The following ODAD2 variants were observed in gnomAD, a reference collection of about 807,000 sequenced individuals.
The protein encoded by ODAD2 is outer dynein arm docking complex subunit 2, also known as outer dynein arm-docking complex subunit 2.
In ODAD2, 89 loss-of-function variants were observed where a neutral mutation model predicts 106.8. The ratio of observed to expected loss-of-function variants is 0.83; its 90% confidence interval spans 0.70 to 0.99. The LOEUF (loss-of-function observed/expected upper bound fraction) is 0.99, where lower values mean the gene tolerates loss of function less well. ODAD2 is among the 50% of genes least tolerant of loss of function. ODAD2 has a pLI of 0.00. For missense variants in ODAD2, 1,168 were observed against 1,238.5 expected (o/e 0.94, Z 0.85); for synonymous variants, 404 against 436.2 (o/e 0.93, Z 0.92).
At chr10:27,833,386 A>C (rs1461687697) in intron 19 of ODAD2, among the ~76,000 whole-genome samples, 1 of 152,194 alleles carries the variant, frequency 6.6e-6, no homozygotes, top group African/African-American at 2.4e-5. Context: ...TGAAAAAAAA[A>C]ATCAAGGAGG....
chr10:27,892,859 T>C (rs1370773499), intron 17 of ODAD2, among the ~76,000 whole-genome samples: 4 of 152,190 alleles, frequency 2.6e-5, no homozygotes, highest in Non-Finnish European at 4.4e-5. Flanking sequence ...CAAGAAAAGA[T>C]GTACTACGGC....
chr10:27,926,885 C>T (rs1245849797), intron 16 of ODAD2, among the ~76,000 whole-genome samples: 1 of 152,000 alleles, frequency 6.6e-6, no homozygotes, highest in African/African-American at 2.4e-5. Context: ...CAGATTACCT[C>T]CAGATAAATT....
At chr10:27,925,516 C>A (rs1845193139) in intron 16 of ODAD2, among the ~76,000 whole-genome samples, 1 of 152,138 alleles carries the variant, frequency 6.6e-6, no homozygotes, top group Admixed American at 6.6e-5. Flanking sequence ...CACTACCATG[C>A]TCAACTAATT....
At chr10:27,964,852 C>G (rs1848388945) in intron 9 of ODAD2, among the ~76,000 whole-genome samples, 1 of 152,162 alleles carries the variant, frequency 6.6e-6, no homozygotes, top group Admixed American at 6.6e-5. Context: ...ACTGTCTCCC[C>G]TAGCACAAGG....
chr10:27,920,082 A>G (rs928270023), intron 16 of ODAD2, among the ~76,000 whole-genome samples: 2 of 146,410 alleles, frequency 1.4e-5, no homozygotes, highest in Admixed American at 1.3e-4. Flanking sequence ...GGTCCTAATT[A>G]CCATAAAAGG....
At chr10:27,917,264 A>C (rs1844460210) in intron 16 of ODAD2, among the ~76,000 whole-genome samples, 1 of 152,206 alleles carries the variant, frequency 6.6e-6, no homozygotes, top group African/African-American at 2.4e-5. Flanking sequence ...ATTAAGCAGC[A>C]CTTGTAAATA....
At chr10:27,834,258 G>T in intron 19 of ODAD2, among the ~76,000 whole-genome samples, 1 of 152,150 alleles carries the variant, frequency 6.6e-6, no homozygotes, top group East Asian at 1.9e-4. Context: ...CGTGCATGTG[G>T]TCTAGGGCTG....
At chr10:27,966,087 C>T (rs1848469383) in intron 9 of ODAD2, among the ~76,000 whole-genome samples, 1 of 152,006 alleles carries the variant, frequency 6.6e-6, no homozygotes, top group African/African-American at 2.4e-5. Flanking sequence ...TTGTAAGATT[C>T]CATGATTCTC....
chr10:27,944,820 C>A lies in ODAD2; in HGVS notation c.1529G>T (p.Cys510Phe). The change falls in exon 11 of 20, where the codon TGT (cysteine) becomes TTT (phenylalanine). Residue 510 changes from cysteine (C) to phenylalanine (F), a missense_variant. Transcript: ENST00000305242. ...CAAGGTGACAGAGCCACTCACCTTA[C>A]ATTTGACTTCATCGGTTTCAAGCAA... ...INLLETDEVK[C>F]KIGSLKILKE... is the part of the protein sequence containing the mutation. The A allele has an allele frequency of 1.2e-6, 2 of 1,614,112 alleles. No individual in the cohort carries two copies. The highest frequency in any genetic ancestry group is 8.5e-7 in the Non-Finnish European group (1 of 1,179,978).
intron 16 of ODAD2, among the ~76,000 whole-genome samples, chr10:27,923,262 A>G (rs1002407871): frequency 6.6e-6 from 1 of 152,214 alleles, no homozygotes; most frequent in Non-Finnish European, 1.5e-5. Flanking sequence ...GCAAGGGCAC[A>G]TCTAAAACAA....
At position 27,971,225 on chromosome 10, in the gene ODAD2, T is replaced by C; in HGVS notation, c.1025A>G (p.Asp342Gly). The C allele has an allele frequency of 1.9e-6, 3 of 1,614,012 alleles. No homozygotes were observed. The highest frequency in any genetic ancestry group is 2.2e-5 in the East Asian group (1 of 44,880). ...TGACCTTTTGTCTGAACCAGAAATG[T>C]CTTTGCGGAGGGCAGCTGCTTCTTC... The part of the protein sequence containing the change: ...KKEEAAALRK[D>G]ISGSDKRSLE... Residue 342 changes from aspartate (D) to glycine (G), a missense_variant, in exon 8 of 20, where the codon GAC (aspartate) becomes GGC (glycine). Coordinates refer to ENST00000305242, the MANE Select transcript of ODAD2 (RefSeq NM_018076.5).
At chr10:27,987,586 G>A (rs375842956) in intron 2 of ODAD2, 43 bp from the exon 3 acceptor site, 37 of 1,422,088 alleles carry the variant, frequency 2.6e-5, no homozygotes, top group Non-Finnish European at 3.5e-5. Flanking sequence ...ATGCTACCTA[G>A]AGGTCAGTAG....
intron 17 of ODAD2, among the ~76,000 whole-genome samples, chr10:27,868,691 G>A (rs1158110895): frequency 6.6e-6 from 1 of 152,106 alleles, no homozygotes; most frequent in Non-Finnish European, 1.5e-5. Context: ...GGGCACGGAG[G>A]GAGGGAGAGC....
At chr10:27,880,777 G>A (rs117708970) in intron 17 of ODAD2, among the ~76,000 whole-genome samples, 8,651 of 152,250 alleles carry the variant, frequency 0.057, 318 homozygotes, top group East Asian at 0.13. Flanking sequence ...CTCCAGAATT[G>A]TAAGACATAA....
chr10:27,852,876 G>A (rs979650126), intron 19 of ODAD2, among the ~76,000 whole-genome samples: 7 of 149,930 alleles, frequency 4.7e-5, no homozygotes, highest in South Asian at 2.1e-4. Flanking sequence ...CAGGAGAATC[G>A]CTTGAACCTG....
chr10:27,907,859 TTTTTTCTCCTTTTGATATTTTGC>T, intron 16 of ODAD2, 82 bp from the exon 17 acceptor site: 1 of 960,408 alleles, frequency 1.0e-6, no homozygotes, highest in Non-Finnish European at 1.6e-6. Flanking sequence ...TATTTAATTA[TTTTTTCTCCTTTTGATATTTTGC>T]TTAGAATTTT....
At chr10:27,944,084 G>T in intron 12 of ODAD2, 138 bp downstream of exon 12, 3 of 695,580 alleles carry the variant, frequency 4.3e-6, no homozygotes, top group Non-Finnish European at 4.8e-6. Flanking sequence ...ATTCTTAAGG[G>T]CAAGCGATAC....
intron 17 of ODAD2, among the ~76,000 whole-genome samples, chr10:27,873,962 A>G (rs1033531475): frequency 6.6e-6 from 1 of 152,172 alleles, no homozygotes; most frequent in Non-Finnish European, 1.5e-5. Flanking sequence ...GGGGTGTTAA[A>G]GTCTCCCATT....
chr10:27,952,074 C>CAAAA lies in ODAD2; in HGVS notation c.1387-7116_1387-7113dup, dbSNP rs71388944. Among the ~76,000 whole-genome samples, 107 of 44,030 alleles carry CAAAA rather than the reference C, an allele frequency of 2.4e-3. 2 individuals are homozygous for CAAAA. Among genetic ancestry groups the CAAAA allele is most frequent in the Non-Finnish European group, 4.1e-3 (92 of 22,260 alleles). 28.9% of individuals were successfully genotyped at this position (44,030 alleles called of 152,430 possible). On this transcript the variant is annotated intron_variant, in intron 10 of 19. Transcript: ENST00000305242. Reference sequence around the variant, plus strand: ...TGGGCAACAGACTGAGATGCCAACTCAAAAAAAAAAAAAAAAAAGACACAC... The same window carrying CAAAA: ...TGGGCAACAGACTGAGATGCCAACTCAAAAAAAAAAAAAAAAAAAAAAGACACAC...
Sources: gnomAD v4.1 joint callset for allele counts (sites outside exome capture counted in the v4.1 genomes callset) on GRCh38, gnomAD v4.1.1 for gene constraint, MANE v1.5 for transcripts, NCBI Gene and HGNC (gene_info 2026-07-23, HGNC 2026-07-21) for gene names.